PROX2: variants seen among roughly 807,000 people sequenced by gnomAD.
PROX2 encodes prospero homeobox 2, also known as prospero homeobox protein 2.
A neutral mutation model predicts 48.9 loss-of-function variants in PROX2; 46 were observed. The observed-to-expected ratio is 0.94, with a 90% CI of 0.74 to 1.20. The LOEUF is 1.20. PROX2 is among the 50% of genes most tolerant of loss of function. PROX2 has a pLI of 0.00. For missense variants in PROX2, 663 were observed against 719.4 expected (o/e 0.92, Z 0.90); for synonymous variants, 260 against 276.6 (o/e 0.94, Z 0.60).
chr14:74,874,823 TC>T, intron 1 of PROX2, among the ~76,000 whole-genome samples: 1 of 152,280 alleles, frequency 6.6e-6, no homozygotes, highest in South Asian at 2.1e-4. Context: ...TTTTTTCATC[TC>T]CCTTCATGAC....
chr14:74,871,590 A>G (rs1883217430), intron 1 of PROX2, among the ~76,000 whole-genome samples: 1 of 152,202 alleles, frequency 6.6e-6, no homozygotes, highest in Non-Finnish European at 1.5e-5. Context: ...CCTGGGCAAC[A>G]TATCAGATCC....
At position 74,871,102 on chromosome 14, in the gene PROX2, C is replaced by G. The variant is rs1210689219; in HGVS notation, c.-175+1G>C. The stretch of plus-strand genomic sequence containing the variant: ...GTCTAGACAGATGTGGTGGTGCTTA[C>G]CTGTAGTCTCAGCTACTCAGGAAGC... On this transcript the variant is annotated splice_donor_variant, in intron 2 of 5. Transcript: ENST00000556489. LOFTEE classifies it low-confidence loss of function (5UTR_SPLICE). The G allele has an allele frequency of 6.6e-6, 1 of 151,816 alleles. No homozygotes were observed. The highest frequency in any genetic ancestry group is 1.5e-5 in the Non-Finnish European group (1 of 67,976). The allele number at this position is 151,816 out of a possible 1,614,324, so 9.4% of individuals were successfully genotyped here. A position where few individuals can be genotyped will look rare whatever the true frequency, so the allele number is the denominator to read the frequency against.
rs1216336540 is a variant in PROX2, at chr14:74,853,718, A to G, written c.*1414T>C. The G allele has an allele frequency of 6.6e-6, 1 of 152,220 alleles. No homozygotes were observed. The highest frequency in any genetic ancestry group is 1.5e-5 in the Non-Finnish European group (1 of 68,052). The allele number at this position is 152,220 out of a possible 1,614,324, so 9.4% of individuals were successfully genotyped here. On this transcript the variant is annotated 3_prime_UTR_variant, in exon 6 of 6. Coordinates refer to ENST00000556489, the MANE Select transcript of PROX2 (RefSeq NM_001243007.2). The stretch of plus-strand genomic sequence containing the variant: ...AGACAGGAAAGAAGCTAATGAACTC[A>G]CAGACACCCCTTATCAGGACTACAA...
At chr14:74,858,346 G>T in intron 4 of PROX2, 61 bp downstream of exon 4, 1 of 1,068,388 alleles carries the variant, frequency 9.4e-7, no homozygotes, top group Non-Finnish European at 1.4e-6. Context: ...CCTCACACCA[G>T]GCAAAACACA....
chr14:74,871,419 A>G (rs1883213063), intron 1 of PROX2, among the ~76,000 whole-genome samples, 182 bp from the exon 2 acceptor site: 1 of 152,336 alleles, frequency 6.6e-6, no homozygotes, highest in East Asian at 1.9e-4. Context: ...CTGCGAAGGC[A>G]CATAGGATTT....
chr14:74,869,169 T>C lies in PROX2; in HGVS notation c.-175+1934A>G, dbSNP rs575209604. The stretch of plus-strand genomic sequence containing the variant: ...ACTACATTTCTAGAAGTGAAAATAT[T>C]GCATCAAAGGCTGAGACTACGTTAA... On this transcript the variant is annotated intron_variant, in intron 2 of 5. Transcript: ENST00000556489. 3.9e-5 allele frequency among the ~76,000 whole-genome samples: 6 copies of C among 152,328 alleles called. No homozygotes were observed. In the South Asian group the frequency reaches 1.2e-3, roughly 32 times the overall value.
intron 1 of PROX2, among the ~76,000 whole-genome samples, chr14:74,873,276 C>T (rs756980235): frequency 1.3e-5 from 2 of 152,158 alleles, no homozygotes; most frequent in African/African-American, 2.4e-5. Context: ...CGTGAGCCAC[C>T]GCGCCCAGCC....
chr14:74,858,843 TG>T (rs1431066709), intron 3 of PROX2: 4,225 of 25,254 alleles, frequency 0.17, 290 homozygotes, highest in African/African-American at 0.43. Flanking sequence ...GTTGGTGTAT[TG>T]TGTGTGTGTG....
At chr14:74,873,979 T>G in intron 1 of PROX2, 1 of 498,890 alleles carries the variant, frequency 2.0e-6, no homozygotes, top group South Asian at 1.5e-5. Context: ...GAGTTTGAGT[T>G]AACAAATATT....
chr14:74,856,808 T>C lies in PROX2; in HGVS notation c.1601A>G (p.Asp534Gly), dbSNP rs562224671. The change falls in exon 5 of 6, where the codon GAC becomes GGC. Residue 534 changes from aspartate to glycine, a missense_variant. Transcript: ENST00000556489. ...ALNMHYNKGN[D>G]FEVPDCFLEI... ...CCCAGTACATGGTCTTACCTCAAAG[T>C]CATTTCCCTTGTTGTAGTGCATATT... 3.0e-5 allele frequency: 48 copies of C among 1,613,632 alleles called. 1 individual carries two copies. In the South Asian group the frequency reaches 4.7e-4, roughly 16 times the overall value.
rs770440534 is a variant in PROX2, at chr14:74,863,826, T to G, written c.9A>C (p.Pro3=). The part of the protein sequence containing the change: MD[P]NSILLSPQPQ... ...GCTGAGGAGAAAGCAAGATGGAGTT[T>G]GGATCCATCCCAGGCACTTGTTCAG... The change falls in exon 3 of 6, where the codon CCA becomes CCC. Residue 3 remains proline, a synonymous_variant. Transcript: ENST00000556489. 6.7e-7 allele frequency: 1 copy of G among 1,501,356 alleles called. No individual in the cohort carries two copies. Among genetic ancestry groups the G allele is most frequent in the Non-Finnish European group, 8.8e-7 (1 of 1,130,250 alleles). 93.0% of individuals were successfully genotyped at this position (1,501,356 alleles called of 1,614,324 possible).
intron 2 of PROX2, among the ~76,000 whole-genome samples, chr14:74,868,282 C>A: frequency 7.8e-6 from 1 of 127,528 alleles, no homozygotes; most frequent in African/African-American, 2.9e-5. Context: ...CTCTTTTCTC[C>A]ATGTACAGAG....
At chr14:74,860,413 T>C (rs376425149) in intron 3 of PROX2, among the ~76,000 whole-genome samples, 10 of 152,062 alleles carry the variant, frequency 6.6e-5, no homozygotes, top group Admixed American at 6.5e-5. Flanking sequence ...GGGAAAATCA[T>C]AGGGCCTGTC....
intron 2 of PROX2, among the ~76,000 whole-genome samples, chr14:74,868,772 A>G (rs1261541932): frequency 6.6e-6 from 1 of 151,866 alleles, no homozygotes; most frequent in Non-Finnish European, 1.5e-5. Context: ...AGGGGGGCGG[A>G]GCCTGCAGTG....
chr14:74,858,777 TTTGTGTGTGTGTG>T, intron 3 of PROX2: 1 of 361,362 alleles, frequency 2.8e-6, no homozygotes, highest in South Asian at 2.7e-5. Flanking sequence ...GTTGGTGTAT[TTTGTGTGTGTGTG>T]TGTGTGTGTG....
At chr14:74,873,701 T>G (rs776717840) in intron 1 of PROX2, 3 of 428,090 alleles carry the variant, frequency 7.0e-6, no homozygotes, top group Non-Finnish European at 1.4e-5. Context: ...AATTAAGGCT[T>G]AAGGAACTAG....
intron 1 of PROX2, among the ~76,000 whole-genome samples, 159 bp from the exon 2 acceptor site, chr14:74,871,396 G>T (rs1422507377): frequency 6.6e-6 from 1 of 152,118 alleles, no homozygotes; most frequent in Non-Finnish European, 1.5e-5. Context: ...AGAACACAGG[G>T]CTTATAAGAT....
Position 74,855,087 on chromosome 14 carries a change from C to A in PROX2, c.*45G>T. Reference sequence around the variant, plus strand: ...CCCTTTAAGACAAACCCAGGAAACCCTAGCCAGTCACTCCTCACGTTGTGG... The same window carrying A: ...CCCTTTAAGACAAACCCAGGAAACCATAGCCAGTCACTCCTCACGTTGTGG... On this transcript the variant is annotated 3_prime_UTR_variant, in exon 6 of 6. Coordinates refer to ENST00000556489, the MANE Select transcript of PROX2 (RefSeq NM_001243007.2). 7.3e-7 allele frequency: 1 copy of A among 1,365,560 alleles called. No individual in the cohort carries two copies. Among genetic ancestry groups the A allele is most frequent in the South Asian group, 2.1e-5 (1 of 47,198 alleles). 84.6% of individuals were successfully genotyped at this position (1,365,560 alleles called of 1,614,324 possible). A position where few individuals can be genotyped will look rare whatever the true frequency, so the allele number is the denominator to read the frequency against.
intron 5 of PROX2, chr14:74,856,003 C>T (rs2091739979): frequency 6.6e-6 from 1 of 152,300 alleles, no homozygotes; most frequent in African/African-American, 2.4e-5. Flanking sequence ...CATACTCTGA[C>T]TCACCAGTCA....
Sources: gnomAD v4.1 joint callset for allele counts (sites outside exome capture counted in the v4.1 genomes callset) on GRCh38, gnomAD v4.1.1 for gene constraint, MANE v1.5 for transcripts, NCBI Gene and HGNC (gene_info 2026-07-23, HGNC 2026-07-21) for gene names.